The following TGFBR3 variants were observed in gnomAD, a reference collection of about 807,000 sequenced individuals.
TGFBR3 encodes the protein transforming growth factor beta receptor 3, also known as transforming growth factor beta receptor type 3.
TGFBR3 carries 46 observed loss-of-function variants against 87.9 expected under a neutral mutation model. The ratio of observed to expected loss-of-function variants is 0.52; its 90% confidence interval spans 0.41 to 0.67. TGFBR3 has a LOEUF of 0.67. TGFBR3 is among the 30% of genes least tolerant of loss of function. TGFBR3 has a pLI of 0.00. For synonymous variants in TGFBR3, 381 were observed against 391.6 expected (o/e 0.97, Z 0.32); for missense variants, 866 against 1,041.9 (o/e 0.83, Z 2.32).
intron 1 of TGFBR3, among the ~76,000 whole-genome samples, chr1:91,880,718 C>G (rs1039981045): frequency 1.3e-5 from 2 of 151,880 alleles, no homozygotes; most frequent in African/African-American, 4.8e-5. Flanking sequence ...CCTTTAGTAG[C>G]TAATAAATCT....
chr1:91,835,953 G>T (rs1677046097), intron 2 of TGFBR3, among the ~76,000 whole-genome samples: 1 of 150,660 alleles, frequency 6.6e-6, no homozygotes, highest in Admixed American at 6.6e-5. Flanking sequence ...TGTTGTTAAT[G>T]AGATAAAAAT....
intron 4 of TGFBR3, among the ~76,000 whole-genome samples, chr1:91,756,030 T>C (rs938572165): frequency 1.3e-5 from 2 of 152,352 alleles, no homozygotes; most frequent in East Asian, 3.9e-4. Flanking sequence ...AGCCCTATGA[T>C]GCAGGGCCTG....
At chr1:91,818,578 T>C (rs1218206866) in intron 2 of TGFBR3, among the ~76,000 whole-genome samples, 1 of 152,150 alleles carries the variant, frequency 6.6e-6, no homozygotes, top group African/African-American at 2.4e-5. Context: ...ATCATGTATC[T>C]TTGGAGAAGT....
At chr1:91,856,101 C>G (rs142076841) in intron 2 of TGFBR3, among the ~76,000 whole-genome samples, 1 of 151,996 alleles carries the variant, frequency 6.6e-6, no homozygotes, top group Non-Finnish European at 1.5e-5. Flanking sequence ...TTGGCTCTGT[C>G]GCCCAGGCTG....
chr1:91,845,735 C>A (rs1042573443), intron 2 of TGFBR3, among the ~76,000 whole-genome samples: 2 of 152,148 alleles, frequency 1.3e-5, no homozygotes, highest in Non-Finnish European at 2.9e-5. Context: ...TAAACAGCAT[C>A]TTCCAACTGC....
At chr1:91,853,809 C>T (rs998004699) in intron 2 of TGFBR3, among the ~76,000 whole-genome samples, 1 of 152,110 alleles carries the variant, frequency 6.6e-6, no homozygotes, top group African/African-American at 2.4e-5. Flanking sequence ...GTCAGGAGTT[C>T]GAGACCAGCG....
intron 3 of TGFBR3, among the ~76,000 whole-genome samples, chr1:91,780,115 A>G (rs190951980): frequency 7.9e-5 from 12 of 152,290 alleles, no homozygotes. Flanking sequence ...TCCATCTCAC[A>G]ATTCTTAATT....
intron 3 of TGFBR3, among the ~76,000 whole-genome samples, chr1:91,789,746 C>T (rs1038140759): frequency 1.3e-5 from 2 of 152,182 alleles, no homozygotes; most frequent in African/African-American, 2.4e-5. Flanking sequence ...AGACATCATC[C>T]TTGACTAGTG....
At chr1:91,767,781 T>C (rs1674230821) in intron 3 of TGFBR3, among the ~76,000 whole-genome samples, 1 of 151,976 alleles carries the variant, frequency 6.6e-6, no homozygotes, top group South Asian at 2.1e-4. Flanking sequence ...GGAACTATTT[T>C]ACTCCTGGAA....
At chr1:91,687,456 C>T (rs536744017) in intron 16 of TGFBR3, among the ~76,000 whole-genome samples, 6 of 152,280 alleles carry the variant, frequency 3.9e-5, no homozygotes, top group African/African-American at 9.6e-5. Flanking sequence ...ACCTCTTTGG[C>T]GTCTATATTA....
intron 3 of TGFBR3, among the ~76,000 whole-genome samples, chr1:91,794,634 G>A (rs1675309081): frequency 6.6e-6 from 1 of 152,052 alleles, no homozygotes; most frequent in Non-Finnish European, 1.5e-5. Flanking sequence ...CACATACATG[G>A]AATCATATGA....
chr1:91,750,006 T>C (rs1383676160), intron 4 of TGFBR3, among the ~76,000 whole-genome samples: 1 of 152,212 alleles, frequency 6.6e-6, no homozygotes, highest in Non-Finnish European at 1.5e-5. Flanking sequence ...AAAGACGTTA[T>C]GGGACTCCAC....
chr1:91,734,564 T>A (rs1201637696), intron 5 of TGFBR3, among the ~76,000 whole-genome samples: 2 of 152,210 alleles, frequency 1.3e-5, no homozygotes, highest in African/African-American at 4.8e-5. Flanking sequence ...GTGTTTCACT[T>A]GGCCATAACC....
chr1:91,843,657 A>G (rs1677373077), intron 2 of TGFBR3, among the ~76,000 whole-genome samples: 1 of 152,192 alleles, frequency 6.6e-6, no homozygotes, highest in South Asian at 2.1e-4. Context: ...CAACTGAGAC[A>G]GGAACTACTG....
chr1:91,743,432 A>C (rs777288680), intron 4 of TGFBR3, among the ~76,000 whole-genome samples: 1 of 152,198 alleles, frequency 6.6e-6, no homozygotes, highest in Non-Finnish European at 1.5e-5. Context: ...CTTCAAGTCT[A>C]TTCAAATGTT....
intron 6 of TGFBR3, among the ~76,000 whole-genome samples, chr1:91,728,403 A>T (rs982789654): frequency 6.6e-6 from 1 of 152,226 alleles, no homozygotes; most frequent in Non-Finnish European, 1.5e-5. Context: ...AAACTTCTGG[A>T]TATAAGGTTA....
chr1:91,844,636 C>A (rs542094546), intron 2 of TGFBR3, among the ~76,000 whole-genome samples: 28 of 152,226 alleles, frequency 1.8e-4, no homozygotes, highest in Admixed American at 1.8e-3. Flanking sequence ...TTTAGAATAA[C>A]CTTGAATTTA....
chr1:91,798,957 T>C (rs1175923091), intron 2 of TGFBR3, among the ~76,000 whole-genome samples: 2 of 152,162 alleles, frequency 1.3e-5, no homozygotes, highest in Non-Finnish European at 2.9e-5. Flanking sequence ...AGGAACTGGA[T>C]GCTTACTCCT....
chr1:91,864,892 T>C (rs192607257), intron 1 of TGFBR3, among the ~76,000 whole-genome samples: 1 of 152,312 alleles, frequency 6.6e-6, no homozygotes, highest in African/African-American at 2.4e-5. Context: ...CTTTATGAAC[T>C]AAATGCTTTC....
Sources: allele counts gnomAD v4.1 joint callset (sites outside exome capture counted in the v4.1 genomes callset), GRCh38; gene constraint gnomAD v4.1.1; transcripts MANE v1.5; gene names NCBI Gene and HGNC (gene_info 2026-07-23, HGNC 2026-07-21).